The following AQP11 variants were observed in gnomAD, a reference collection of about 807,000 sequenced individuals.
AQP11 encodes aquaporin 11, also known as aquaporin-11.
A neutral mutation model predicts 21.1 loss-of-function variants in AQP11; 20 were observed. That is an observed-to-expected ratio of 0.95 (90% confidence interval 0.67 to 1.38). The LOEUF (loss-of-function observed/expected upper bound fraction) is 1.38. Ranked by LOEUF, AQP11 falls within the 40% of genes most tolerant of loss-of-function variation. The pLI, the probability that AQP11 is intolerant of heterozygous loss-of-function variation, is 0.00. For missense variants in AQP11, 339 were observed against 340.4 expected (o/e 1.00, Z 0.03); for synonymous variants, 167 against 150.1 (o/e 1.11, Z -0.82).
In AQP11 at chr11:77,589,960, G is replaced by A. The variant is rs1958733803; in HGVS notation, c.-33G>A. On this transcript the variant is annotated 5_prime_UTR_variant, in exon 1 of 3. Transcript: ENST00000313578. ...GGAGACCGCCTCCTACCCAGAGCCG[G>A]AGCCCGCAACCCGCTCAGGCGGCGA... is the stretch of plus-strand genomic sequence containing the variant. 1 of 1,434,434 alleles carries A rather than the reference G, an allele frequency of 7.0e-7. No individual in the cohort carries two copies. The highest frequency in any genetic ancestry group is 2.6e-5 in the East Asian group (1 of 38,462). 88.9% of individuals were successfully genotyped at this position (1,434,434 alleles called of 1,614,324 possible). A position where few individuals can be genotyped will look rare whatever the true frequency, so the allele number is the denominator to read the frequency against.
intron 1 of AQP11, among the ~76,000 whole-genome samples, chr11:77,600,648 T>C (rs965800056): frequency 2.0e-5 from 3 of 152,206 alleles, no homozygotes; most frequent in African/African-American, 7.2e-5. Flanking sequence ...TCCAAAGTAA[T>C]AGTAAATTTG....
At chr11:77,603,522 C>CTTT in intron 1 of AQP11, 34 bp from the exon 2 acceptor site, 1 of 1,401,228 alleles carries the variant, frequency 7.1e-7, no homozygotes, top group South Asian at 1.4e-5. Context: ...GAAGATAAAT[C>CTTT]ATTTGAAATC....
intron 1 of AQP11, chr11:77,591,085 C>A (rs1323105413): frequency 1.0e-6 from 1 of 983,628 alleles, no homozygotes; most frequent in Non-Finnish European, 1.2e-6. Context: ...CCATTTTAGT[C>A]CTATAAATGA....
chr11:77,599,965 A>G (rs1032577988), intron 1 of AQP11, among the ~76,000 whole-genome samples: 1 of 151,150 alleles, frequency 6.6e-6, no homozygotes, highest in Non-Finnish European at 1.5e-5. Context: ...TTATTTACTT[A>G]TTTATTTATT....
Position 77,592,278 on chromosome 11 carries a change from AAAAAG to A in AQP11, c.619+1672_619+1676del, listed in dbSNP as rs1168233003. Among the ~76,000 whole-genome samples the A allele has an allele frequency of 3.9e-5, 6 of 152,226 alleles. No individual in the cohort carries two copies. The East Asian group carries it at 9.6e-4, about 24-fold the overall frequency. On this transcript the variant is annotated intron_variant, in intron 1 of 2. Coordinates refer to ENST00000313578, the MANE Select transcript of AQP11 (RefSeq NM_173039.3). ...ACCCTGTCTGTCTCAAAAGAAAAAA[AAAAAG>A]AAAAAGAGAAAAAGAGTGACAAGTA... is the stretch of plus-strand genomic sequence containing the variant.
At chr11:77,598,806 G>A (rs975274145) in intron 1 of AQP11, among the ~76,000 whole-genome samples, 3 of 152,144 alleles carry the variant, frequency 2.0e-5, no homozygotes, top group Middle Eastern at 3.4e-3. Context: ...CCTCTGTCTC[G>A]CAGGTTCAAA....
intron 2 of AQP11, among the ~76,000 whole-genome samples, chr11:77,605,647 A>C (rs1490195079): frequency 6.6e-6 from 1 of 152,094 alleles, no homozygotes; most frequent in East Asian, 1.9e-4. Context: ...CCATCCCAAA[A>C]CCATGCCCCC....
chr11:77,594,601 A>G (rs1251901144), intron 1 of AQP11, among the ~76,000 whole-genome samples: 1 of 152,208 alleles, frequency 6.6e-6, no homozygotes. Context: ...TTAAGCTTCT[A>G]GGATACTACA....
At chr11:77,593,799 A>G (rs1958763062) in intron 1 of AQP11, among the ~76,000 whole-genome samples, 1 of 152,248 alleles carries the variant, frequency 6.6e-6, no homozygotes, top group East Asian at 1.9e-4. Context: ...ACTAAAGCTC[A>G]TACGGATTCA....
intron 1 of AQP11, among the ~76,000 whole-genome samples, 182 bp from the exon 2 acceptor site, chr11:77,603,374 T>TA (rs1190496419): frequency 1.3e-5 from 2 of 152,202 alleles, no homozygotes; most frequent in African/African-American, 2.4e-5. Flanking sequence ...TCTTTTTTTT[T>TA]ATAGTAAGTG....
At chr11:77,596,537 A>AATATATATAGAT (rs1958783156) in intron 1 of AQP11, among the ~76,000 whole-genome samples, 1 of 86,576 alleles carries the variant, frequency 1.2e-5, no homozygotes, top group African/African-American at 4.5e-5. Context: ...TATATATGTA[A>AATATATATAGAT]ATATATATAT....
intron 1 of AQP11, among the ~76,000 whole-genome samples, chr11:77,596,525 A>AATATATATGTAAATATATATATATATAT (rs1565117451): frequency 1.1e-5 from 1 of 87,252 alleles, no homozygotes; most frequent in Non-Finnish European, 2.4e-5. Flanking sequence ...TATATATGTA[A>AATATATATGTAAATATATATATATATAT]ATATATATGT....
rs752721607 is a variant in AQP11, at chr11:77,590,232, G to T, written c.240G>T (p.Thr80=). The part of the protein sequence containing the change: ...QHPAHPTWTL[T]LVYFFSLVHG... ...CCGCGCACCCCACCTGGACGCTGACGCTCGTCTACTTCTTCTCGCTTGTGC... is the reference window on the plus strand; with the variant it reads ...CCGCGCACCCCACCTGGACGCTGACTCTCGTCTACTTCTTCTCGCTTGTGC... Residue 80 remains threonine, a synonymous_variant, in exon 1 of 3, where the codon ACG becomes ACT. Coordinates refer to ENST00000313578, the MANE Select transcript of AQP11 (RefSeq NM_173039.3). 1.9e-6 allele frequency: 3 copies of T among 1,594,990 alleles called. No homozygotes were observed. In the African/African-American group the frequency reaches 4.0e-5, roughly 21 times the overall value.
intron 1 of AQP11, chr11:77,591,013 G>A: frequency 1.0e-6 from 1 of 985,380 alleles, no homozygotes; most frequent in Non-Finnish European, 1.2e-6. Flanking sequence ...AGTTCCTTTC[G>A]ATTTAAAGCA....
intron 1 of AQP11, among the ~76,000 whole-genome samples, chr11:77,600,508 A>T (rs1958809302): frequency 6.6e-6 from 1 of 152,212 alleles, no homozygotes; most frequent in Non-Finnish European, 1.5e-5. Context: ...CAGGTCATTT[A>T]TGACATGGAA....
chr11:77,607,334 A>G (rs939238272), intron 2 of AQP11, among the ~76,000 whole-genome samples: 4 of 152,136 alleles, frequency 2.6e-5, no homozygotes, highest in African/African-American at 9.7e-5. Context: ...GTCCAAAATA[A>G]AAATAAAAAC....
At chr11:77,592,307 T>C (rs1343212981) in intron 1 of AQP11, among the ~76,000 whole-genome samples, 1 of 151,956 alleles carries the variant, frequency 6.6e-6, no homozygotes. Flanking sequence ...GAGTGACAAG[T>C]ACAGGCATAT....
intron 2 of AQP11, among the ~76,000 whole-genome samples, chr11:77,606,169 T>C (rs571356993): frequency 9.2e-4 from 139 of 151,262 alleles, no homozygotes; most frequent in Non-Finnish European, 1.7e-3. Context: ...AAACCACATC[T>C]AAAAAATAAA....
At chr11:77,594,736 A>T (rs1470304785) in intron 1 of AQP11, among the ~76,000 whole-genome samples, 1 of 152,184 alleles carries the variant, frequency 6.6e-6, no homozygotes, top group Admixed American at 6.6e-5. Context: ...TACAGAACAT[A>T]AGCATCCAGC....
Sources: gnomAD v4.1 joint callset for allele counts (sites outside exome capture counted in the v4.1 genomes callset) on GRCh38, gnomAD v4.1.1 for gene constraint, MANE v1.5 for transcripts, NCBI Gene and HGNC (gene_info 2026-07-23, HGNC 2026-07-21) for gene names.